Variants in RIIAD1 observed in about 807,000 individuals in gnomAD.
RIIAD1 encodes the protein regulatory subunit of type II PKA R-subunit domain containing 1, also known as RIIa domain-containing protein 1.
In RIIAD1, 15 loss-of-function variants were observed where a neutral mutation model predicts 13.3. The observed-to-expected ratio is 1.13, with a 90% CI of 0.76 to 1.74. The LOEUF (loss-of-function observed/expected upper bound fraction) is 1.74, where lower values mean the gene tolerates loss of function less well. Ranked by LOEUF, RIIAD1 falls within the 40% of genes most tolerant of loss-of-function variation. RIIAD1 has a pLI of 0.00. For synonymous variants in RIIAD1, 50 were observed against 43.3 expected (o/e 1.16, Z -0.61); for missense variants, 121 against 112.2 (o/e 1.08, Z -0.35).
chr1:151,724,474 G>A (rs377432461), intron 2 of RIIAD1, among the ~76,000 whole-genome samples: 1 of 152,362 alleles, frequency 6.6e-6, no homozygotes, highest in South Asian at 2.1e-4. Context: ...GAAGGGAGAA[G>A]TGAGGGCAGA....
chr1:151,719,110 C>T (rs1019539289), upstream of RIIAD1, among the ~76,000 whole-genome samples: 2 of 152,200 alleles, frequency 1.3e-5, no homozygotes, highest in African/African-American at 2.4e-5. Context: ...CAGCAAAATG[C>T]GTCCAGTCCT....
rs189126533 is a variant in RIIAD1, at chr1:151,727,566, G to A, written c.162-9G>A. On this transcript the variant is annotated splice_polypyrimidine_tract_variant and intron_variant, in intron 2 of 4. Coordinates refer to ENST00000479191, the MANE Select transcript of RIIAD1 (RefSeq NM_001144956.3). ...TTTACCTCCCATCCTATCCCTTAATGTTTTCCAGAGAAATATTTTTGAAAA... is the reference window on the plus strand; with the variant it reads ...TTTACCTCCCATCCTATCCCTTAATATTTTCCAGAGAAATATTTTTGAAAA... 3.9e-6 allele frequency: 6 copies of A among 1,542,470 alleles called. No individual in the cohort carries two copies. Among genetic ancestry groups the A allele is most frequent in the Admixed American group, 2.0e-5 (1 of 50,978 alleles).
rs766601230 is a variant in RIIAD1, at chr1:151,727,622, G to A, written c.208+1G>A. On this transcript the variant is annotated splice_donor_variant, in intron 3 of 4. Transcript: ENST00000479191. LOFTEE classifies it high-confidence loss of function. The stretch of plus-strand genomic sequence containing the variant: ...GACAACATCCTAGAATTTGCTGCAG[G>A]TGAGTAAGGCAGCGTCGGTTTTGGG... The A allele has an allele frequency of 1.3e-6, 2 of 1,547,656 alleles. No homozygotes were observed. The highest frequency in any genetic ancestry group is 2.0e-5 in the Admixed American group (1 of 50,996).
chr1:151,728,812 A>G lies in RIIAD1; in HGVS notation c.255A>G (p.Leu85=). 1 of 1,544,730 alleles carries G rather than the reference A, an allele frequency of 6.5e-7. No homozygotes were observed. Among genetic ancestry groups the G allele is most frequent in the Non-Finnish European group, 8.8e-7 (1 of 1,140,814 alleles). ...TTCCCAACAAGATTCACATGCAGCT[A>G]ATTAAAGACAAGAAAGCGGCTTAAT... ...PRLPNKIHMQ[L]IKDKKAA The change falls in exon 4 of 5, where the codon CTA becomes CTG. Residue 85 remains leucine (L), a synonymous_variant. Transcript: ENST00000479191.
chr1:151,715,149 C>T (rs1160644322), intron 4 of RIIAD1, among the ~76,000 whole-genome samples: 1 of 151,986 alleles, frequency 6.6e-6, no homozygotes, highest in Non-Finnish European at 1.5e-5. Context: ...AAGGGAAGAA[C>T]AGTTAGTTAG....
chr1:151,721,456 G>T, upstream of RIIAD1: 1 of 839,582 alleles, frequency 1.2e-6, no homozygotes, highest in Non-Finnish European at 1.6e-6. Flanking sequence ...CTTCGCTGAA[G>T]GGGCCGGGCT....
chr1:151,717,695 C>T (rs1673589158), upstream of RIIAD1, among the ~76,000 whole-genome samples: 1 of 152,254 alleles, frequency 6.6e-6, no homozygotes, highest in Non-Finnish European at 1.5e-5. Context: ...GTCAAGCTTC[C>T]CCTTAGGATG....
At chr1:151,727,252 G>A (rs895366287) in intron 2 of RIIAD1, among the ~76,000 whole-genome samples, 11 of 152,284 alleles carry the variant, frequency 7.2e-5, no homozygotes, top group Admixed American at 3.3e-4. Context: ...AGAGCAAGAC[G>A]CTGTCTCAAA....
At chr1:151,712,840 T>C (rs1209647351) in intron 2 of RIIAD1, among the ~76,000 whole-genome samples, 1 of 151,920 alleles carries the variant, frequency 6.6e-6, no homozygotes, top group Non-Finnish European at 1.5e-5. Flanking sequence ...TAGGAAGGCA[T>C]GGAGATTAAA....
chr1:151,722,280 CATAAGG>C, intron 2 of RIIAD1, 118 bp downstream of exon 2: 1 of 707,274 alleles, frequency 1.4e-6, no homozygotes, highest in South Asian at 1.7e-5. Context: ...TTACTTTAAC[CATAAGG>C]ATAAATACAT....
chr1:151,712,633 C>A (rs913591374), intron 2 of RIIAD1, among the ~76,000 whole-genome samples: 3 of 152,206 alleles, frequency 2.0e-5, no homozygotes, highest in Admixed American at 2.0e-4. Flanking sequence ...TGTGGCAGAG[C>A]CACTCCTGGG....
upstream of RIIAD1, chr1:151,719,785 G>A: frequency 3.2e-6 from 2 of 615,412 alleles, no homozygotes; most frequent in South Asian, 3.8e-5. Context: ...TGGGTCATAG[G>A]ATGTGATCAG....
At chr1:151,715,524 A>C (rs1240617454) in intron 4 of RIIAD1, 3 of 683,390 alleles carry the variant, frequency 4.4e-6, no homozygotes, top group Admixed American at 5.3e-5. Flanking sequence ...CTGCACACGC[A>C]CACACACACA....
At chr1:151,721,484 C>T (rs1053546290), upstream of RIIAD1, 5 of 1,129,598 alleles carry the variant, frequency 4.4e-6, no homozygotes, top group African/African-American at 6.5e-5. Context: ...AGGGCGGGGC[C>T]GGGGGCGGGG....
intron 2 of RIIAD1, among the ~76,000 whole-genome samples, chr1:151,726,814 G>T (rs1034988084): frequency 6.6e-6 from 1 of 152,194 alleles, no homozygotes; most frequent in African/African-American, 2.4e-5. Context: ...GGACTGAGGG[G>T]CCAATAACCA....
At chr1:151,714,479 A>T in exon 4 of RIIAD1, 4 of 763,716 alleles carry the variant, frequency 5.2e-6, no homozygotes, top group Non-Finnish European at 9.4e-6. Flanking sequence ...AGAGAGGGGG[A>T]CTTCCTGGTG....
chr1:151,713,407 C>G (rs893606721), intron 2 of RIIAD1: 1 of 152,294 alleles, frequency 6.6e-6, no homozygotes, highest in African/African-American at 2.4e-5. Flanking sequence ...TGTCTCTCAT[C>G]CATGTCTCCA....
chr1:151,715,365 C>G (rs1427069329), intron 4 of RIIAD1, among the ~76,000 whole-genome samples: 1 of 152,096 alleles, frequency 6.6e-6, no homozygotes, highest in Non-Finnish European at 1.5e-5. Context: ...TACCAATCTC[C>G]AGCCTTCATG....
chr1:151,715,537 C>T, intron 4 of RIIAD1: 1 of 1,093,966 alleles, frequency 9.1e-7, no homozygotes, highest in Non-Finnish European at 1.2e-6. Flanking sequence ...CACACACACA[C>T]CCCTACCCAG....
Sources: gnomAD v4.1 joint callset for allele counts (sites outside exome capture counted in the v4.1 genomes callset) on GRCh38, gnomAD v4.1.1 for gene constraint, MANE v1.5 for transcripts, NCBI Gene and HGNC (gene_info 2026-07-23, HGNC 2026-07-21) for gene names.